Variants in INPP5A observed in about 807,000 individuals in gnomAD.
INPP5A encodes 43 kDa inositol polyphosphate 5-phophatase.
Under a neutral mutation model 65.2 loss-of-function variants are expected in INPP5A, and 14 were observed. The observed-to-expected ratio is 0.21, with a 90% CI of 0.14 to 0.34. The LOEUF is 0.34. INPP5A is among the 10% of genes least tolerant of loss of function. The pLI is 1.00. For synonymous variants in INPP5A, 207 were observed against 208.3 expected, an observed-to-expected ratio of 0.99 and a Z score of 0.05; for missense variants, 431 against 545.6, an observed-to-expected ratio of 0.79 and a Z score of 2.09.
chr10:132,780,268 C>T (rs1847137877), intron 13 of INPP5A, among the ~76,000 whole-genome samples: 1 of 152,292 alleles, frequency 6.6e-6, no homozygotes, highest in Non-Finnish European at 1.5e-5. Flanking sequence ...GCCCGGAATA[C>T]AGGCACCTGC....
intron 4 of INPP5A, among the ~76,000 whole-genome samples, chr10:132,658,841 A>T (rs2072695839): frequency 6.6e-6 from 1 of 151,842 alleles, no homozygotes; most frequent in Admixed American, 6.6e-5. Flanking sequence ...GACTGCCAAG[A>T]CCACCAAGGC....
intron 9 of INPP5A, among the ~76,000 whole-genome samples, chr10:132,739,140 C>T (rs1846229545): frequency 2.6e-5 from 4 of 152,258 alleles, no homozygotes; most frequent in Middle Eastern, 3.2e-3. Context: ...CCTCAGATTC[C>T]ATCTGGGATG....
chr10:132,708,174 G>T (rs1477041148), intron 6 of INPP5A, 139 bp from the exon 7 acceptor site: 3 of 708,468 alleles, frequency 4.2e-6, no homozygotes, highest in Non-Finnish European at 7.4e-6. Flanking sequence ...GTTCTCTTTA[G>T]TGGGGCGGCA....
intron 2 of INPP5A, among the ~76,000 whole-genome samples, chr10:132,642,254 G>A (rs1033743954): frequency 6.6e-6 from 1 of 152,224 alleles, no homozygotes; most frequent in African/African-American, 2.4e-5. Flanking sequence ...CAGAGGGGCA[G>A]CAGCAGAGCC....
intron 4 of INPP5A, among the ~76,000 whole-genome samples, chr10:132,660,325 A>G (rs1358535300): frequency 1.3e-5 from 2 of 152,228 alleles, no homozygotes; most frequent in Non-Finnish European, 2.9e-5. Context: ...AAAGAAAACA[A>G]TCAAAAGAAA....
Position 132,735,365 on chromosome 10 carries a change from G to A in INPP5A, c.732+8460G>A, listed in dbSNP as rs150028008. On this transcript the variant is annotated intron_variant, in intron 9 of 15. Transcript: ENST00000368594. ...GTGGACAGTGACACAGTCGTGCATA[G>A]CCAGAGCGCATCAGGAAGCCGTGTT... Among the ~76,000 whole-genome samples, 300 of 152,372 alleles carry A rather than the reference G, an allele frequency of 2.0e-3. 3 individuals are homozygous for A. The highest frequency in any genetic ancestry group is 6.6e-3 in the African/African-American group (275 of 41,586).
intron 1 of INPP5A, among the ~76,000 whole-genome samples, chr10:132,565,667 ATGTG>A (rs962916838): frequency 6.6e-6 from 1 of 150,946 alleles, no homozygotes; most frequent in Non-Finnish European, 1.5e-5. Context: ...ATGTGGGTCT[ATGTG>A]TGGGTGTGTT....
intron 2 of INPP5A, among the ~76,000 whole-genome samples, chr10:132,638,434 C>A (rs1334075472): frequency 6.6e-6 from 1 of 152,236 alleles, no homozygotes; most frequent in Non-Finnish European, 1.5e-5. Context: ...GTGTTTCTTG[C>A]TGTGCCTTTG....
At chr10:132,640,175 C>T (rs958801102) in intron 2 of INPP5A, among the ~76,000 whole-genome samples, 29 of 152,246 alleles carry the variant, frequency 1.9e-4, no homozygotes, top group Non-Finnish European at 3.7e-4. Context: ...ACTGGCTTTT[C>T]TTACGGTTCT....
At chr10:132,757,833 GCGAT>G in intron 11 of INPP5A, among the ~76,000 whole-genome samples, 1 of 149,278 alleles carries the variant, frequency 6.7e-6, no homozygotes, top group Non-Finnish European at 1.5e-5. Context: ...ACAGGCCAGT[GCGAT>G]GTCGTGGGTC....
At chr10:132,719,485 T>A (rs1845818776) in intron 8 of INPP5A, among the ~76,000 whole-genome samples, 1 of 146,580 alleles carries the variant, frequency 6.8e-6, no homozygotes, top group African/African-American at 2.7e-5. Context: ...GTCTTGCGGG[T>A]TCTGTGGTAC....
At chr10:132,717,454 G>C (rs1000889721) in intron 8 of INPP5A, among the ~76,000 whole-genome samples, 1 of 151,572 alleles carries the variant, frequency 6.6e-6, no homozygotes, top group Non-Finnish European at 1.5e-5. Context: ...GGCTCTGCTA[G>C]CCCTGAGGCT....
rs535669747 is a variant in INPP5A, at chr10:132,550,698, A to C, written c.75+12527A>C. ...GGGGTGTCTGGCTATTTCACTATTA[A>C]AACAAGTGGAAACACTAGTTTGGTC... On this transcript the variant is annotated intron_variant, in intron 1 of 15. Coordinates refer to ENST00000368594, the MANE Select transcript of INPP5A (RefSeq NM_005539.5). This position sits in a 1 kb window ranked among gnomAD's most constrained non-coding sequence, Gnocchi z 4.2. Among the ~76,000 whole-genome samples the C allele has an allele frequency of 6.6e-6, 1 of 152,288 alleles. No homozygotes were observed. Among genetic ancestry groups the C allele is most frequent in the East Asian group, 1.9e-4 (1 of 5,184 alleles).
intron 5 of INPP5A, among the ~76,000 whole-genome samples, chr10:132,696,396 G>A (rs1045390619): frequency 1.3e-5 from 2 of 152,318 alleles, no homozygotes; most frequent in East Asian, 1.9e-4. Context: ...GTCAGAGCCT[G>A]CACTTCCTGA....
chr10:132,630,711 T>TG (rs2072257373), intron 2 of INPP5A, among the ~76,000 whole-genome samples: 1 of 23,840 alleles, frequency 4.2e-5, no homozygotes, highest in South Asian at 1.3e-3. Flanking sequence ...TCCATGAGGG[T>TG]GGGGGGCGGG....
intron 4 of INPP5A, among the ~76,000 whole-genome samples, chr10:132,654,516 G>C (rs913950374): frequency 1.3e-5 from 2 of 152,236 alleles, no homozygotes; most frequent in Non-Finnish European, 2.9e-5. Flanking sequence ...GGCCCTCGGG[G>C]TGTCTGTGTG....
chr10:132,720,932 C>G (rs1176626387), intron 8 of INPP5A, among the ~76,000 whole-genome samples: 2 of 150,190 alleles, frequency 1.3e-5, no homozygotes, highest in African/African-American at 4.9e-5. Context: ...TCTGTGGTGC[C>G]TGGGTTCTGT....
At chr10:132,740,260 G>A (rs910030528) in intron 9 of INPP5A, among the ~76,000 whole-genome samples, 10 of 152,290 alleles carry the variant, frequency 6.6e-5, no homozygotes, top group South Asian at 2.1e-4. Context: ...GGAACTTTGC[G>A]TGCTGGTTTG....
chr10:132,654,527 G>A (rs2133405353), intron 4 of INPP5A, among the ~76,000 whole-genome samples: 1 of 152,342 alleles, frequency 6.6e-6, no homozygotes, highest in East Asian at 1.9e-4. Context: ...TGTCTGTGTG[G>A]CGGGGCCTGA....
Sources: gnomAD v4.1 joint callset for allele counts (sites outside exome capture counted in the v4.1 genomes callset) on GRCh38, gnomAD v4.1.1 for gene constraint, Gnocchi (gnomAD v3.1) non-coding constraint, MANE v1.5 for transcripts, NCBI Gene and HGNC (gene_info 2026-07-23, HGNC 2026-07-21) for gene names.